Variants in GALNT17 observed in about 807,000 individuals in gnomAD.
GALNT17 encodes the protein polypeptide N-acetylgalactosaminyltransferase 17.
GALNT17 carries 29 observed loss-of-function variants against 63.7 expected under a neutral mutation model. The ratio of observed to expected loss-of-function variants is 0.46; its 90% CI spans 0.34 to 0.62. The LOEUF (loss-of-function observed/expected upper bound fraction) is 0.62. Among genes scored for constraint, GALNT17 ranks in the 20% least tolerant of loss-of-function variants. The pLI, the probability that GALNT17 is intolerant of heterozygous loss-of-function variation, is 0.01. For missense variants in GALNT17, 603 were observed against 799.6 expected (o/e 0.75, Z 2.97); for synonymous variants, 305 against 318.3 (o/e 0.96, Z 0.45).
intron 1 of GALNT17, among the ~76,000 whole-genome samples, chr7:71,176,821 A>G (rs1240065988): frequency 6.6e-6 from 1 of 152,138 alleles, no homozygotes; most frequent in African/African-American, 2.4e-5. Context: ...TGGAGCAGCT[A>G]GGGAGGATGC....
chr7:71,639,459 C>T (rs6961096), intron 6 of GALNT17, among the ~76,000 whole-genome samples: 17,390 of 152,182 alleles, frequency 0.11, 1,155 homozygotes, highest in Non-Finnish European at 0.15. Context: ...GACAGCTGTC[C>T]ATCATCCTCT....
chr7:71,200,707 A>G (rs719062), intron 1 of GALNT17, among the ~76,000 whole-genome samples: 52,803 of 151,908 alleles, frequency 0.35, 11,506 homozygotes, highest in African/African-American at 0.62. Context: ...TTTAGTAAAT[A>G]TTCTTTCCTG....
intron 1 of GALNT17, among the ~76,000 whole-genome samples, chr7:71,307,063 A>G (rs1791316139): frequency 6.6e-6 from 1 of 152,076 alleles, no homozygotes; most frequent in Non-Finnish European, 1.5e-5. Context: ...ACCTCAAGTG[A>G]TCTGCCCACC....
intron 5 of GALNT17, among the ~76,000 whole-genome samples, chr7:71,551,024 T>G (rs1397766240): frequency 6.6e-6 from 1 of 152,152 alleles, no homozygotes; most frequent in African/African-American, 2.4e-5. Flanking sequence ...TGGGACATTC[T>G]TATCTATTAT....
In GALNT17 at chr7:71,277,342, AG is replaced by A. The variant is rs1790700580; in HGVS notation, c.239-58206del. Among the ~76,000 whole-genome samples the A allele has an allele frequency of 2.0e-5, 3 of 152,184 alleles. No homozygotes were observed. The South Asian group carries it at 6.2e-4, about 32-fold the overall frequency. On this transcript the variant is annotated intron_variant, in intron 1 of 10. Coordinates refer to ENST00000333538, the MANE Select transcript of GALNT17 (RefSeq NM_022479.3). ...AATGATAGACACTGGGGACTATAAA[AG>A]GAGGGAGCGAGGGGCATGAGGGTAG...
At chr7:71,332,198 A>G (rs531280161) in intron 1 of GALNT17, among the ~76,000 whole-genome samples, 1 of 152,264 alleles carries the variant, frequency 6.6e-6, no homozygotes. Context: ...AGACAAACAT[A>G]TGTGTAGTCT....
intron 1 of GALNT17, among the ~76,000 whole-genome samples, chr7:71,138,307 C>T (rs904774701): frequency 7.0e-6 from 1 of 142,614 alleles, no homozygotes; most frequent in Non-Finnish European, 1.5e-5. Flanking sequence ...CACTGCTCCC[C>T]AGCCTTCTGG....
chr7:71,451,834 A>G (rs149353599), intron 5 of GALNT17, among the ~76,000 whole-genome samples: 99 of 152,252 alleles, frequency 6.5e-4, no homozygotes, highest in Middle Eastern at 3.4e-3. Flanking sequence ...TTAAAAACCA[A>G]ATCAATTTTT....
At position 71,256,513 on chromosome 7, in the gene GALNT17, G is replaced by T. The variant is rs565632420; in HGVS notation, c.239-79037G>T. ...TTGAGCCTGGGAGGTGGAGGTTGCA[G>T]GTTGCAGTGGATGGCACCACTGCAC... On this transcript the variant is annotated intron_variant, in intron 1 of 10. Coordinates refer to ENST00000333538, the MANE Select transcript of GALNT17 (RefSeq NM_022479.3). Among the ~76,000 whole-genome samples the T allele has an allele frequency of 2.0e-5, 3 of 152,198 alleles. No homozygotes were observed. In the South Asian group the frequency reaches 6.2e-4, roughly 32 times the overall value.
chr7:71,503,834 G>A (rs537632221), intron 5 of GALNT17, among the ~76,000 whole-genome samples: 106 of 152,200 alleles, frequency 7.0e-4, no homozygotes, highest in Non-Finnish European at 1.3e-3. Flanking sequence ...CGTGGCTCAC[G>A]CTTGTAATCC....
intron 1 of GALNT17, among the ~76,000 whole-genome samples, chr7:71,258,998 G>A (rs1790334568): frequency 6.6e-6 from 1 of 152,154 alleles, no homozygotes; most frequent in Admixed American, 6.5e-5. Flanking sequence ...TGTGTATATG[G>A]GGGATGAGGC....
chr7:71,663,039 C>G (rs564806297), intron 6 of GALNT17, among the ~76,000 whole-genome samples: 1 of 152,092 alleles, frequency 6.6e-6, no homozygotes, highest in Non-Finnish European at 1.5e-5. Context: ...TCTGGACTTT[C>G]AGTTCTATTC....
intron 5 of GALNT17, among the ~76,000 whole-genome samples, chr7:71,528,802 A>G (rs541643087): frequency 1.3e-5 from 2 of 152,288 alleles, no homozygotes; most frequent in Admixed American, 1.3e-4. Flanking sequence ...GAGAAAGCTT[A>G]GGGAGAAGAT....
At chr7:71,429,627 CCAACT>C (rs1269534240) in intron 5 of GALNT17, among the ~76,000 whole-genome samples, 1 of 152,216 alleles carries the variant, frequency 6.6e-6, no homozygotes. Flanking sequence ...ATCATGGCCT[CCAACT>C]CCTGGGCTCA....
intron 6 of GALNT17, among the ~76,000 whole-genome samples, chr7:71,628,190 A>C (rs1033242467): frequency 1.3e-5 from 2 of 152,214 alleles, no homozygotes; most frequent in Non-Finnish European, 2.9e-5. Flanking sequence ...TGATACTTTT[A>C]TAAAATATAG....
chr7:71,150,432 A>G (rs1426052451), intron 1 of GALNT17, among the ~76,000 whole-genome samples: 1 of 151,754 alleles, frequency 6.6e-6, no homozygotes, highest in Non-Finnish European at 1.5e-5. Flanking sequence ...GACGGAAGTG[A>G]TGTTTGCTAT....
At chr7:71,193,780 C>T (rs865932452) in intron 1 of GALNT17, among the ~76,000 whole-genome samples, 16 of 152,130 alleles carry the variant, frequency 1.1e-4, no homozygotes, top group African/African-American at 3.6e-4. Context: ...TTCCTTTTTG[C>T]TTCTTTTATA....
intron 5 of GALNT17, among the ~76,000 whole-genome samples, chr7:71,564,324 A>G (rs1247713517): frequency 2.5e-5 from 3 of 121,604 alleles, no homozygotes; most frequent in African/African-American, 9.5e-5. Context: ...TCACTCTGTC[A>G]CCCAGGCTGG....
chr7:71,191,833 G>T (rs1320140459), intron 1 of GALNT17, among the ~76,000 whole-genome samples: 1 of 152,090 alleles, frequency 6.6e-6, no homozygotes, highest in African/African-American at 2.4e-5. Context: ...TATTACTCAG[G>T]GTTCTCTAGA....
Sources: allele counts gnomAD v4.1 joint callset (sites outside exome capture counted in the v4.1 genomes callset), GRCh38; gene constraint gnomAD v4.1.1; transcripts MANE v1.5; gene names NCBI Gene and HGNC (gene_info 2026-07-23, HGNC 2026-07-21).